The following SRGAP2C variants were observed in gnomAD, a reference collection of about 807,000 sequenced individuals.
The protein encoded by SRGAP2C is SLIT-ROBO Rho GTPase activating protein 2C.
A neutral mutation model predicts 25.1 loss-of-function variants in SRGAP2C; 15 were observed. That is an observed-to-expected ratio of 0.60 (90% CI 0.40 to 0.92). SRGAP2C has a LOEUF of 0.92. Ranked by LOEUF, SRGAP2C falls within the 40% of genes least tolerant of loss-of-function variation. The pLI is 0.00. For synonymous variants in SRGAP2C, 44 were observed against 96.6 expected (o/e 0.46, Z 3.19); for missense variants, 144 against 264.4 (o/e 0.54, Z 3.16).
chr1:121,198,965 C>A (rs1261307547), intron 2 of SRGAP2C, among the ~76,000 whole-genome samples: 1 of 152,118 alleles, frequency 6.6e-6, no homozygotes, highest in Non-Finnish European at 1.5e-5. Context: ...GTCTCAAAAT[C>A]CCTAGTTTCC....
intron 2 of SRGAP2C, among the ~76,000 whole-genome samples, chr1:121,195,149 A>T (rs1553320392): frequency 6.6e-6 from 1 of 151,910 alleles, no homozygotes; most frequent in Non-Finnish European, 1.5e-5. Flanking sequence ...GGTGGCTTAC[A>T]TCTGTAATCC....
intron 2 of SRGAP2C, among the ~76,000 whole-genome samples, chr1:121,201,587 G>T (rs1305611439): frequency 1.3e-5 from 2 of 152,234 alleles, no homozygotes; most frequent in African/African-American, 2.4e-5. Flanking sequence ...AGGCATGCGC[G>T]TGTGCGCGCA....
intron 2 of SRGAP2C, among the ~76,000 whole-genome samples, chr1:121,249,576 ATATATTTTTTTTT>A (rs1656303533): frequency 4.6e-5 from 1 of 21,528 alleles, no homozygotes; most frequent in Non-Finnish European, 8.2e-5. Flanking sequence ...ATATATATAT[ATATATTTTTTTTT>A]TTTTTTTTTA....
At chr1:121,343,256 G>A (rs1253792194) in intron 4 of SRGAP2C, among the ~76,000 whole-genome samples, 1 of 151,920 alleles carries the variant, frequency 6.6e-6, no homozygotes, top group Non-Finnish European at 1.5e-5. Flanking sequence ...CTGAGTGTCA[G>A]GCAGTCTGTC....
intron 8 of SRGAP2C, among the ~76,000 whole-genome samples, chr1:121,384,396 CA>C (rs1431082885): frequency 1.3e-5 from 1 of 75,030 alleles, no homozygotes; most frequent in Non-Finnish European, 2.7e-5. Context: ...TGGGGAAAAT[CA>C]AACCATTTAC....
At chr1:121,374,772 A>G in intron 6 of SRGAP2C, 54 bp from the exon 7 acceptor site, 1 of 749,440 alleles carries the variant, frequency 1.3e-6, no homozygotes, top group Non-Finnish European at 2.5e-6. Context: ...TCTTTTAGAG[A>G]ACAAGCCCCC....
chr1:121,254,038 G>A (rs1459606891), intron 2 of SRGAP2C, among the ~76,000 whole-genome samples: 2 of 151,204 alleles, frequency 1.3e-5, no homozygotes, highest in Non-Finnish European at 3.0e-5. Context: ...TCAGCTTCCT[G>A]AGTAGCTGGG....
chr1:121,201,690 C>T (rs1202938518), intron 2 of SRGAP2C, among the ~76,000 whole-genome samples: 6 of 152,224 alleles, frequency 3.9e-5, no homozygotes, highest in Non-Finnish European at 7.3e-5. Context: ...GGGAGGGATA[C>T]TTGTGTTCTG....
At chr1:121,327,048 G>A (rs1372874726) in intron 4 of SRGAP2C, among the ~76,000 whole-genome samples, 1 of 151,190 alleles carries the variant, frequency 6.6e-6, no homozygotes, top group East Asian at 2.0e-4. Flanking sequence ...ATCCCACAGG[G>A]TGAGTAATCT....
chr1:121,295,857 G>A (rs1397473658), intron 3 of SRGAP2C, among the ~76,000 whole-genome samples: 7 of 152,050 alleles, frequency 4.6e-5, no homozygotes, highest in Admixed American at 2.0e-4. Flanking sequence ...TGCCTCCCAG[G>A]TTCAAGCTAT....
chr1:121,391,407 ACACTTTGTGC>A lies in SRGAP2C; in HGVS notation c.*3554_*3563del, dbSNP rs1660077975. 6.6e-6 allele frequency: 1 copy of A among 151,922 alleles called. No individual in the cohort carries two copies. Among genetic ancestry groups the A allele is most frequent in the Non-Finnish European group, 1.5e-5 (1 of 67,932 alleles). The allele number at this position is 151,922 out of a possible 1,614,324, so 9.4% of individuals were successfully genotyped here. A position where few individuals can be genotyped will look rare whatever the true frequency, so the allele number is the denominator to read the frequency against. ...CTTCACTCAGTGCAAGAGTGAACAC[ACACTTTGTGC>A]CGGCTTTAAAGAACCCAGCACAAAG... On this transcript the variant is annotated 3_prime_UTR_variant, in exon 10 of 10. Coordinates refer to ENST00000367123, the MANE Select transcript of SRGAP2C (RefSeq NM_001329984.2).
chr1:121,225,644 A>G (rs1655647383), intron 2 of SRGAP2C, among the ~76,000 whole-genome samples: 1 of 142,588 alleles, frequency 7.0e-6, no homozygotes. Flanking sequence ...TTAGTATAGT[A>G]TTATACATCC....
At chr1:121,351,720 A>G (rs1658913354) in intron 4 of SRGAP2C, among the ~76,000 whole-genome samples, 1 of 149,250 alleles carries the variant, frequency 6.7e-6, no homozygotes, top group African/African-American at 2.5e-5. Flanking sequence ...AAAGTATGGC[A>G]TACCTATACA....
chr1:121,352,988 G>T (rs1658963466), intron 4 of SRGAP2C, among the ~76,000 whole-genome samples: 2 of 150,344 alleles, frequency 1.3e-5, no homozygotes, highest in Admixed American at 6.6e-5. Flanking sequence ...TACTTGGGAG[G>T]CTGAGGCAGG....
chr1:121,188,313 C>T (rs1263380005), intron 2 of SRGAP2C, among the ~76,000 whole-genome samples: 6 of 152,242 alleles, frequency 3.9e-5, no homozygotes, highest in Non-Finnish European at 8.8e-5. Context: ...AAAATGTGGA[C>T]TAGGAGAAAC....
At chr1:121,324,852 TCTTATTGG>T (rs1658287474) in intron 4 of SRGAP2C, among the ~76,000 whole-genome samples, 1 of 151,270 alleles carries the variant, frequency 6.6e-6, no homozygotes, top group East Asian at 2.0e-4. Flanking sequence ...AGAAAGAATA[TCTTATTGG>T]CCCACTTCAT....
chr1:121,377,913 A>G (rs1659708977), intron 7 of SRGAP2C, among the ~76,000 whole-genome samples: 1 of 151,722 alleles, frequency 6.6e-6, no homozygotes, highest in African/African-American at 2.4e-5. Context: ...TTTATGTTAG[A>G]TATGTATGTA....
chr1:121,303,392 C>T (rs1403623482), intron 3 of SRGAP2C, among the ~76,000 whole-genome samples: 2 of 150,412 alleles, frequency 1.3e-5, no homozygotes, highest in African/African-American at 4.9e-5. Context: ...CCAATGGAGT[C>T]CCTTCAAGCT....
chr1:121,314,388 A>G (rs1570777658), intron 3 of SRGAP2C, among the ~76,000 whole-genome samples: 1 of 151,840 alleles, frequency 6.6e-6, no homozygotes, highest in Admixed American at 6.6e-5. Flanking sequence ...CCCGTAGCTC[A>G]GAGTAATTTG....
Sources: allele counts gnomAD v4.1 joint callset (sites outside exome capture counted in the v4.1 genomes callset), GRCh38; gene constraint gnomAD v4.1.1; transcripts MANE v1.5; gene names NCBI Gene and HGNC (gene_info 2026-07-23, HGNC 2026-07-21).